Variants in CMYA5 observed in about 807,000 individuals in gnomAD.
The protein encoded by CMYA5 is cardiomyopathy-associated protein 5.
Under a neutral mutation model 318.9 loss-of-function variants are expected in CMYA5, and 246 were observed. That is an observed-to-expected ratio of 0.77 (90% CI 0.70 to 0.86). The LOEUF (loss-of-function observed/expected upper bound fraction) is 0.86. Ranked by LOEUF, CMYA5 falls within the 40% of genes least tolerant of loss-of-function variation. The pLI is 0.00. For synonymous variants in CMYA5, 1,641 were observed against 1,729.5 expected, an observed-to-expected ratio of 0.95 and a Z score of 1.27; for missense variants, 4,589 against 4,678.2, an observed-to-expected ratio of 0.98 and a Z score of 0.56.
At chr5:79,769,370 A>G (rs910689002) in intron 9 of CMYA5, among the ~76,000 whole-genome samples, 1 of 151,982 alleles carries the variant, frequency 6.6e-6, no homozygotes, top group African/African-American at 2.4e-5. Context: ...TTAAAGGAGA[A>G]GAGGTGTTCT....
rs1829216236 is a variant in CMYA5, at chr5:79,793,503, A to C, written c.11856A>C (p.Thr3952=). The C allele has an allele frequency of 6.2e-7, 1 of 1,613,994 alleles. No homozygotes were observed. Among genetic ancestry groups the C allele is most frequent in the Non-Finnish European group, 8.5e-7 (1 of 1,179,876 alleles). The stretch of plus-strand genomic sequence containing the variant: ...AGCATTACTGGGAAACCACAGTCAC[A>C]GACTGCCCAGCATATCGACTCGGCA... ...CGQHYWETTV[T]DCPAYRLGIC... Residue 3952 remains threonine, a synonymous_variant, in exon 12 of 13, where the codon ACA becomes ACC. Transcript: ENST00000446378.
intron 1 of CMYA5, among the ~76,000 whole-genome samples, chr5:79,700,739 A>G (rs1827158041): frequency 6.6e-6 from 1 of 152,208 alleles, no homozygotes; most frequent in Non-Finnish European, 1.5e-5. Context: ...AAAAGCAATG[A>G]AATTCTATCA....
chr5:79,761,797 G>A lies in CMYA5; in HGVS notation c.11261-14G>A. The A allele has an allele frequency of 6.2e-7, 1 of 1,601,916 alleles. No individual in the cohort carries two copies. Among genetic ancestry groups the A allele is most frequent in the African/African-American group, 1.3e-5 (1 of 74,562 alleles). ...TTGGAAGATGTCTTCGATTTTAATTGTGTCTTATGCTAGAGTTGGTAGAAG... is the reference window on the plus strand; with the variant it reads ...TTGGAAGATGTCTTCGATTTTAATTATGTCTTATGCTAGAGTTGGTAGAAG... On this transcript the variant is annotated splice_polypyrimidine_tract_variant and intron_variant, in intron 7 of 12. Transcript: ENST00000446378.
In CMYA5 at chr5:79,731,738, C is replaced by T. The variant is rs1384842530; in HGVS notation, c.2973C>T (p.Asp991=). The T allele has an allele frequency of 3.1e-6, 5 of 1,613,876 alleles. No individual in the cohort carries two copies. The highest frequency in any genetic ancestry group is 4.2e-6 in the Non-Finnish European group (5 of 1,179,830). The change falls in exon 2 of 13, where the codon GAC becomes GAT. Residue 991 remains aspartate, a synonymous_variant. Coordinates refer to ENST00000446378, the MANE Select transcript of CMYA5 (RefSeq NM_153610.5). The stretch of plus-strand genomic sequence containing the variant: ...AGCACACTATTTTGTCAGATGAAGA[C>T]ACTGAAGAAGCGGAACTGTTCTCTC... ...PSEHTILSDE[D]TEEAELFSPD...
chr5:79,718,777 T>C lies in CMYA5; in HGVS notation c.150-10138T>C, dbSNP rs140050458. ...CATATACAACAGTGGTCCCATAAGA[T>C]TATAATGCCATATTTTACTTAGTTT... On this transcript the variant is annotated intron_variant, in intron 1 of 12. Transcript: ENST00000446378. 3.8e-3 allele frequency among the ~76,000 whole-genome samples: 583 copies of C among 152,282 alleles called. 4 individuals are homozygous for C. The highest frequency in any genetic ancestry group is 6.7e-3 in the Non-Finnish European group (457 of 68,004).
At chr5:79,713,764 G>A (rs573196091) in intron 1 of CMYA5, among the ~76,000 whole-genome samples, 42 of 152,160 alleles carry the variant, frequency 2.8e-4, no homozygotes, top group African/African-American at 9.4e-4. Context: ...CTACTACTAC[G>A]TAGATACTTC....
intron 10 of CMYA5, 44 bp from the exon 11 acceptor site, chr5:79,790,926 G>A (rs1561231942): frequency 7.4e-7 from 1 of 1,343,732 alleles, no homozygotes; most frequent in Admixed American, 1.8e-5. Context: ...GACAGCACTG[G>A]TCCTTGTGGC....
At chr5:79,705,713 T>C (rs1827257397) in intron 1 of CMYA5, among the ~76,000 whole-genome samples, 1 of 152,190 alleles carries the variant, frequency 6.6e-6, no homozygotes, top group Non-Finnish European at 1.5e-5. Context: ...CAATTTCAGT[T>C]TGATCTCACC....
chr5:79,759,649 G>A (rs982296549), intron 7 of CMYA5, among the ~76,000 whole-genome samples: 4 of 152,182 alleles, frequency 2.6e-5, no homozygotes, highest in Admixed American at 2.0e-4. Flanking sequence ...TGGGAGTGCT[G>A]CCATTCTGTG....
intron 7 of CMYA5, among the ~76,000 whole-genome samples, chr5:79,760,043 C>T (rs920580802): frequency 4.6e-5 from 7 of 152,314 alleles, no homozygotes; most frequent in African/African-American, 1.4e-4. Flanking sequence ...GAGTCAAACA[C>T]ACATCTTTCA....
chr5:79,798,918 C>A (rs942828917), intron 12 of CMYA5, among the ~76,000 whole-genome samples: 3 of 152,032 alleles, frequency 2.0e-5, no homozygotes, highest in Non-Finnish European at 2.9e-5. Flanking sequence ...TTCATAAAGG[C>A]CTTTATGTAA....
In CMYA5 at chr5:79,699,158, AAAC is replaced by A. The variant is rs138388164; in HGVS notation, c.149+9120_149+9122del. The stretch of plus-strand genomic sequence containing the variant: ...GGGCGAGAGAGTGAGACTCTGTCTC[AAAC>A]AACAACAACAACAACAAAAAAAGAA... On this transcript the variant is annotated intron_variant, in intron 1 of 12. Transcript: ENST00000446378. 3.2e-4 allele frequency among the ~76,000 whole-genome samples: 49 copies of A among 151,942 alleles called. No homozygotes were observed. In the East Asian group the frequency reaches 4.1e-3, roughly 13 times the overall value.
chr5:79,799,732 T>C lies in CMYA5; in HGVS notation c.*116T>C, dbSNP rs1829340465. On this transcript the variant is annotated 3_prime_UTR_variant, in exon 13 of 13. Coordinates refer to ENST00000446378, the MANE Select transcript of CMYA5 (RefSeq NM_153610.5). ...GTCTCCCGCGCATTTGCACTAATGA[T>C]GGCTGCATGCATAGCAATCAGCATG... The C allele has an allele frequency of 7.4e-7, 1 of 1,352,466 alleles. No homozygotes were observed. The highest frequency in any genetic ancestry group is 2.5e-5 in the East Asian group (1 of 39,358). The allele number at this position is 1,352,466 out of a possible 1,614,324, so 83.8% of individuals were successfully genotyped here.
In CMYA5 at chr5:79,736,960, A is replaced by C; in HGVS notation, c.8195A>C (p.Asp2732Ala). 6.2e-7 allele frequency: 1 copy of C among 1,613,442 alleles called. No homozygotes were observed. Among genetic ancestry groups the C allele is most frequent in the Non-Finnish European group, 8.5e-7 (1 of 1,179,746 alleles). ...CTGCCAGTGGTTCTTTCTTGTCATGATGAAATAGAGAACCACTCTTTGTCT... is the reference window on the plus strand; with the variant it reads ...CTGCCAGTGGTTCTTTCTTGTCATGCTGAAATAGAGAACCACTCTTTGTCT... ...TFLPVVLSCH[D>A]EIENHSLSQE... The change falls in exon 2 of 13, where the codon GAT (aspartate) becomes GCT (alanine). Residue 2732 changes from aspartate to alanine, a missense_variant. Around this residue, in one of 3 missense-constraint regions of CMYA5, gnomAD observed 2,431 missense variants for 2,495.1 expected, o/e 0.97. Transcript: ENST00000446378.
At position 79,738,808 on chromosome 5, in the gene CMYA5, T is replaced by C. The variant is rs1437837673; in HGVS notation, c.10043T>C (p.Val3348Ala). 6.2e-7 allele frequency: 1 copy of C among 1,613,788 alleles called. No individual in the cohort carries two copies. Among genetic ancestry groups the C allele is most frequent in the African/African-American group, 1.3e-5 (1 of 74,926 alleles). Residue 3348 changes from valine to alanine, a missense_variant, in exon 2 of 13, where the codon GTT becomes GCT. Physicochemically the swap from Val to Ala is moderately conservative, Grantham distance 64 (BLOSUM62 0). Transcript: ENST00000446378. ...YAVPFEDTHHVLERADEAGSH... is the reference protein window; with the variant it reads ...YAVPFEDTHHALERADEAGSH... ...GTTCCATTTGAAGACACCCATCATG[T>C]TCTGGAGCGTGCAGATGAAGCAGGC...
At chr5:79,753,492 A>G (rs761446255) in intron 6 of CMYA5, among the ~76,000 whole-genome samples, 1 of 152,078 alleles carries the variant, frequency 6.6e-6, no homozygotes, top group Non-Finnish European at 1.5e-5. Flanking sequence ...ATCACCTCAA[A>G]GATTACAGCT....
chr5:79,734,681 A>G lies in CMYA5; in HGVS notation c.5916A>G (p.Thr1972=). The change falls in exon 2 of 13, where the codon ACA becomes ACG. Residue 1972 remains threonine (T), a synonymous_variant. Transcript: ENST00000446378. Reference sequence around the variant, plus strand: ...CTCTTGATACTTCCAGTGGTAATACAGAGACCTTATCAAGTAAAAGTTACT... The same window carrying G: ...CTCTTGATACTTCCAGTGGTAATACGGAGACCTTATCAAGTAAAAGTTACT... ...VSALDTSSGN[T]ETLSSKSYSS... 4 of 1,613,906 alleles carry G rather than the reference A, an allele frequency of 2.5e-6. No homozygotes were observed. The highest frequency in any genetic ancestry group is 3.4e-6 in the Non-Finnish European group (4 of 1,179,820).
In CMYA5 at chr5:79,730,487, T is replaced by C. The variant is rs760720422; in HGVS notation, c.1722T>C (p.His574=). The C allele has an allele frequency of 6.2e-7, 1 of 1,613,926 alleles. No homozygotes were observed. The change falls in exon 2 of 13, where the codon CAT becomes CAC. Residue 574 remains histidine (H), a synonymous_variant. Coordinates refer to ENST00000446378, the MANE Select transcript of CMYA5 (RefSeq NM_153610.5). ...LPLLAASSPE[H]VALSEEEREE... ...TATTGGCAGCATCATCTCCTGAACA[T>C]GTTGCTTTGTCTGAGGAAGAAAGAG...
intron 9 of CMYA5, among the ~76,000 whole-genome samples, chr5:79,766,646 G>A (rs1828759493): frequency 6.6e-6 from 1 of 152,122 alleles, no homozygotes; most frequent in South Asian, 2.1e-4. Context: ...TGCATCCCAG[G>A]GATCAAGCTG....
Sources: allele counts gnomAD v4.1 joint callset (sites outside exome capture counted in the v4.1 genomes callset), GRCh38; gene constraint gnomAD v4.1.1; regional missense constraint gnomAD v4.1.1; transcripts MANE v1.5; gene names NCBI Gene and HGNC (gene_info 2026-07-23, HGNC 2026-07-21).